MYO9B: variants seen among roughly 807,000 people sequenced by gnomAD.
MYO9B encodes the protein unconventional myosin-IXb.
In MYO9B, 71 loss-of-function variants were observed where a neutral mutation model predicts 229.5. That is an observed-to-expected ratio of 0.31 (90% CI 0.26 to 0.38). MYO9B has a LOEUF of 0.38. Ranked by LOEUF, MYO9B falls within the 10% of genes least tolerant of loss-of-function variation. MYO9B has a pLI of 1.00. For missense variants in MYO9B, 2,255 were observed against 2,920.5 expected, an observed-to-expected ratio of 0.77 and a Z score of 5.25; for synonymous variants, 1,185 against 1,235.8, an observed-to-expected ratio of 0.96 and a Z score of 0.86.
rs546472606 is a variant in MYO9B, at chr19:17,154,262, G to A, written c.1099-53G>A. ...GCTCCAGCCAAAATCACTCTGGCAC[G>A]CCACCCTTGCCGGCCCAGGAATGCC... is the stretch of plus-strand genomic sequence containing the variant. On this transcript the variant is annotated intron_variant, in intron 5 of 39. Transcript: ENST00000682292. 1.8e-4 allele frequency: 275 copies of A among 1,549,834 alleles called. No individual in the cohort carries two copies. In the South Asian group the frequency reaches 2.6e-3, roughly 15 times the overall value.
intron 1 of MYO9B, among the ~76,000 whole-genome samples, chr19:17,086,606 G>A (rs1600019140): frequency 4.6e-5 from 7 of 152,216 alleles, no homozygotes; most frequent in Admixed American, 3.9e-4. Flanking sequence ...ATGGCCAGGT[G>A]CAATGGCTCA....
At chr19:17,154,744 T>C (rs1274171509) in intron 6 of MYO9B, among the ~76,000 whole-genome samples, 1 of 152,142 alleles carries the variant, frequency 6.6e-6, no homozygotes, top group African/African-American at 2.4e-5. Flanking sequence ...GAGGATTGCA[T>C]GGGCCCAAGA....
intron 2 of MYO9B, 78 bp from the exon 3 acceptor site, chr19:17,145,319 C>T (rs2072395686): frequency 8.1e-7 from 1 of 1,234,732 alleles, no homozygotes; most frequent in Non-Finnish European, 1.2e-6. Flanking sequence ...TATAAAAGCA[C>T]AGTGTAAAAT....
At chr19:17,121,312 C>A (rs774573061) in intron 2 of MYO9B, among the ~76,000 whole-genome samples, 3 of 152,114 alleles carry the variant, frequency 2.0e-5, no homozygotes, top group Non-Finnish European at 4.4e-5. Flanking sequence ...CCACAGCCCA[C>A]TGAAGGGACA....
At position 17,101,098 on chromosome 19, in the gene MYO9B, T is replaced by G. The variant is rs1044469548; in HGVS notation, c.-58-562T>G. ...ATTGAGAGGCTGCCTCTGGATGGGG[T>G]GGGATGGGGGCTGGGATGGAGCAAA... On this transcript the variant is annotated intron_variant, in intron 1 of 39. Transcript: ENST00000682292. The surrounding 1 kb of genome is among the most constrained non-coding windows in gnomAD (Gnocchi z 4.7). Among the ~76,000 whole-genome samples, 2 of 142,442 alleles carry G rather than the reference T, an allele frequency of 1.4e-5. No individual in the cohort carries two copies. Among genetic ancestry groups the G allele is most frequent in the African/African-American group, 2.6e-5 (1 of 38,454 alleles). The allele number at this position is 142,442 out of a possible 152,430, so 93.4% of individuals were successfully genotyped here.
chr19:17,177,798 T>C (rs1008575670), intron 14 of MYO9B: 1 of 152,664 alleles, frequency 6.6e-6, no homozygotes, highest in Non-Finnish European at 1.5e-5. Context: ...CCCTTTCAGC[T>C]GCTCAATGCT....
At chr19:17,122,978 C>T (rs1434216452) in intron 2 of MYO9B, among the ~76,000 whole-genome samples, 1 of 152,100 alleles carries the variant, frequency 6.6e-6, no homozygotes, top group African/African-American at 2.4e-5. Flanking sequence ...GGTGGTGCTA[C>T]TCAAGAGGTT....
chr19:17,174,394 T>C (rs2072760307), intron 13 of MYO9B, among the ~76,000 whole-genome samples: 1 of 151,760 alleles, frequency 6.6e-6, no homozygotes, highest in African/African-American at 2.4e-5. Flanking sequence ...TCCCAGCACT[T>C]TGGGAGGCTG....
rs763530463 is a variant in MYO9B at position 17,197,840 on chromosome 19, G to A, written c.4095G>A (p.Pro1365=). The change falls in exon 23 of 40, where the codon CCG becomes CCA. Residue 1365 remains proline, a synonymous_variant. Transcript: ENST00000682292. ...FSTSDVSKLL[P]SLAKAQPAAE... is the part of the protein sequence containing the mutation. ...CGAGCGACGTCTCCAAGCTCCTCCCGTCCCTGGCCAAGGCTCAGGTAACAA... is the reference window on the plus strand; with the variant it reads ...CGAGCGACGTCTCCAAGCTCCTCCCATCCCTGGCCAAGGCTCAGGTAACAA... The A allele has an allele frequency of 2.3e-5, 37 of 1,613,262 alleles. No homozygotes were observed. Among genetic ancestry groups the A allele is most frequent in the African/African-American group, 8.0e-5 (6 of 74,866 alleles).
At chr19:17,114,457 C>A (rs1277507307) in intron 2 of MYO9B, among the ~76,000 whole-genome samples, 1 of 152,008 alleles carries the variant, frequency 6.6e-6, no homozygotes, top group East Asian at 1.9e-4. Flanking sequence ...CTCGTGTCAC[C>A]GATGATGAAG....
At chr19:17,208,605 G>A (rs976724027) in intron 35 of MYO9B, among the ~76,000 whole-genome samples, 22 of 151,748 alleles carry the variant, frequency 1.4e-4, no homozygotes, top group Non-Finnish European at 2.6e-4. Context: ...CTAATTTTTT[G>A]TATTTTTAGT....
At chr19:17,171,633 C>T (rs2072725798) in intron 11 of MYO9B, among the ~76,000 whole-genome samples, 2 of 152,298 alleles carry the variant, frequency 1.3e-5, no homozygotes, top group South Asian at 4.1e-4. Context: ...CACCCAGACT[C>T]AGGCACTGGG....
chr19:17,114,064 G>A (rs1441119072), intron 2 of MYO9B, among the ~76,000 whole-genome samples: 2 of 152,054 alleles, frequency 1.3e-5, no homozygotes, highest in Non-Finnish European at 2.9e-5. Flanking sequence ...GTTGCCCATA[G>A]CACCCCCGCC....
At chr19:17,076,681 C>T (rs1229079741) in intron 1 of MYO9B, among the ~76,000 whole-genome samples, 1 of 152,036 alleles carries the variant, frequency 6.6e-6, no homozygotes, top group Non-Finnish European at 1.5e-5. Flanking sequence ...CCAGTGTCCT[C>T]GTCTTGGAAA....
At chr19:17,194,471 C>T (rs1027410409) in intron 21 of MYO9B, 85 bp from the exon 22 acceptor site, 1 of 1,482,520 alleles carries the variant, frequency 6.7e-7, no homozygotes, top group African/African-American at 1.4e-5. Context: ...CTGCAGCCCG[C>T]AGGCTGGGGG....
rs570104964 is a variant in MYO9B at position 17,198,795 on chromosome 19, T to C, written c.4238+487T>C. Among the ~76,000 whole-genome samples the C allele has an allele frequency of 2.9e-4, 44 of 151,896 alleles. No individual in the cohort carries two copies. In the South Asian group the frequency reaches 9.2e-3, roughly 32 times the overall value. On this transcript the variant is annotated intron_variant, in intron 24 of 39. Coordinates refer to ENST00000682292, the MANE Select transcript of MYO9B (RefSeq NM_004145.4). ...GGATCCTTCCTGCCTCTTCTGGCTT[T>C]TGGGGGCTCCAGGTGTTCCTTGGCT...
chr19:17,100,341 C>T (rs2057733040), intron 1 of MYO9B, among the ~76,000 whole-genome samples: 2 of 151,426 alleles, frequency 1.3e-5, no homozygotes, highest in African/African-American at 2.4e-5. Flanking sequence ...GGTGTGGTGG[C>T]GCATGCCTAT....
intron 2 of MYO9B, among the ~76,000 whole-genome samples, chr19:17,120,368 C>T (rs2057950591): frequency 6.6e-6 from 1 of 152,114 alleles, no homozygotes; most frequent in Non-Finnish European, 1.5e-5. Context: ...AATGAAGGGC[C>T]ATTCAGGCTC....
intron 2 of MYO9B, among the ~76,000 whole-genome samples, chr19:17,110,511 C>T (rs1476503375): frequency 6.6e-6 from 1 of 152,240 alleles, no homozygotes; most frequent in Non-Finnish European, 1.5e-5. Context: ...AGGCACTCGC[C>T]TCGGTGCCCT....
Sources: allele counts gnomAD v4.1 joint callset (sites outside exome capture counted in the v4.1 genomes callset), GRCh38; gene constraint gnomAD v4.1.1; non-coding constraint Gnocchi (gnomAD v3.1); transcripts MANE v1.5; gene names NCBI Gene and HGNC (gene_info 2026-07-23, HGNC 2026-07-21).